Variants in CDKL4 observed in about 807,000 individuals in gnomAD.
CDKL4 encodes the protein cyclin dependent kinase like 4.
A neutral mutation model predicts 42.0 loss-of-function variants in CDKL4; 44 were observed. The ratio of observed to expected loss-of-function variants is 1.05; its 90% confidence interval spans 0.82 to 1.35. The LOEUF is 1.35. Among genes scored for constraint, CDKL4 ranks in the 40% most tolerant of loss-of-function variants. The pLI is 0.00. For missense variants in CDKL4, 393 were observed against 369.9 expected, an observed-to-expected ratio of 1.06 and a Z score of -0.51; for synonymous variants, 120 against 121.6, an observed-to-expected ratio of 0.99 and a Z score of 0.09.
intron 4 of CDKL4, among the ~76,000 whole-genome samples, chr2:39,208,377 G>C (rs562338675): frequency 2.8e-5 from 4 of 145,360 alleles, no homozygotes; most frequent in Admixed American, 2.1e-4. Flanking sequence ...GTCGCTCTTT[G>C]TTGCTCAGGC....
chr2:39,236,347 T>C (rs141431407), intron 1 of CDKL4, among the ~76,000 whole-genome samples: 163 of 152,236 alleles, frequency 1.1e-3, no homozygotes, highest in Non-Finnish European at 8.4e-4. Flanking sequence ...TGTAATGAGA[T>C]TCCCAGAAAG....
chr2:39,215,461 A>G (rs571737377), intron 3 of CDKL4, among the ~76,000 whole-genome samples: 16 of 152,160 alleles, frequency 1.1e-4, no homozygotes, highest in Admixed American at 5.9e-4. Flanking sequence ...TGTTGTTTGT[A>G]TATTTTTCAA....
chr2:39,200,614 C>T (rs1045978726), intron 5 of CDKL4, among the ~76,000 whole-genome samples: 1 of 152,096 alleles, frequency 6.6e-6, no homozygotes, highest in African/African-American at 2.4e-5. Context: ...GTCATCAAAG[C>T]AGTATGGTAT....
intron 1 of CDKL4, among the ~76,000 whole-genome samples, chr2:39,240,420 C>CAAAA (rs1186226288): frequency 1.2e-5 from 1 of 84,210 alleles, no homozygotes; most frequent in African/African-American, 4.4e-5. Context: ...GACTTCGTCT[C>CAAAA]AAAAAAAAAA....
chr2:39,216,343 G>T (rs1016270453), intron 3 of CDKL4, among the ~76,000 whole-genome samples: 2 of 152,128 alleles, frequency 1.3e-5, no homozygotes, highest in Non-Finnish European at 2.9e-5. Context: ...CTGGAGGTGT[G>T]GGGAAAGCAG....
downstream of CDKL4, among the ~76,000 whole-genome samples, chr2:39,171,631 G>A (rs1675001739): frequency 6.6e-6 from 1 of 152,160 alleles, no homozygotes; most frequent in African/African-American, 2.4e-5. Flanking sequence ...CTTTATGTTG[G>A]AGCTCTAAGA....
At chr2:39,174,795 A>G (rs1675101921), downstream of CDKL4, among the ~76,000 whole-genome samples, 2 of 152,230 alleles carry the variant, frequency 1.3e-5, no homozygotes, top group South Asian at 4.1e-4. Flanking sequence ...TAGCTAACTA[A>G]AAGTACTTTT....
intron 2 of CDKL4, among the ~76,000 whole-genome samples, chr2:39,228,639 A>G (rs910506196): frequency 1.3e-5 from 2 of 152,078 alleles, no homozygotes; most frequent in African/African-American, 4.8e-5. Flanking sequence ...CAGACCTCCC[A>G]ACTCAGAATC....
chr2:39,230,072 CAA>C (rs1679004382), intron 1 of CDKL4, among the ~76,000 whole-genome samples: 1 of 152,200 alleles, frequency 6.6e-6, no homozygotes, highest in Non-Finnish European at 1.5e-5. Flanking sequence ...GGCCATTGAA[CAA>C]AGCAGTCTTT....
At chr2:39,200,180 C>T (rs1414474309) in intron 5 of CDKL4, among the ~76,000 whole-genome samples, 2 of 151,856 alleles carry the variant, frequency 1.3e-5, no homozygotes, top group East Asian at 1.9e-4. Flanking sequence ...TCAGTAGCCC[C>T]GCTATATACC....
At chr2:39,170,495 C>A in the CDKL4 span, among the ~76,000 whole-genome samples, 110 of 152,096 alleles carry the variant, frequency 7.2e-4, 1 homozygote, top group African/African-American at 2.5e-3. Flanking sequence ...TTGCTCTTGT[C>A]ACCCAGGCTA....
At chr2:39,233,750 C>A (rs1324759689) in intron 1 of CDKL4, among the ~76,000 whole-genome samples, 1 of 151,226 alleles carries the variant, frequency 6.6e-6, no homozygotes. Context: ...CAAAATCTAA[C>A]CATGAAGCAA....
chr2:39,224,130 T>C (rs1476164405), intron 3 of CDKL4, among the ~76,000 whole-genome samples: 2 of 152,214 alleles, frequency 1.3e-5, no homozygotes, highest in Non-Finnish European at 2.9e-5. Context: ...TTCTGGCAAA[T>C]AGTTTACCCA....
chr2:39,226,467 A>ATATATATTATATATAT (rs1345081965), intron 2 of CDKL4, among the ~76,000 whole-genome samples: 39 of 96,926 alleles, frequency 4.0e-4, no homozygotes, highest in South Asian at 9.3e-4. Context: ...TATATATATT[A>ATATATATTATATATAT]TATATATATA....
At chr2:39,216,291 G>A (rs1482902614) in intron 3 of CDKL4, among the ~76,000 whole-genome samples, 1 of 152,148 alleles carries the variant, frequency 6.6e-6, no homozygotes, top group Non-Finnish European at 1.5e-5. Flanking sequence ...TACAAAGAGG[G>A]AAGAGGTGCA....
chr2:39,229,443 T>C, exon 2 of CDKL4: 1 of 1,613,460 alleles, frequency 6.2e-7, no homozygotes, highest in Non-Finnish European at 8.5e-7. Flanking sequence ...TTTTAACAGC[T>C]ACTACTTGTC....
At chr2:39,225,927 C>T (rs1228555843) in exon 3 of CDKL4, 3 of 1,610,794 alleles carry the variant, frequency 1.9e-6, no homozygotes, top group Admixed American at 1.7e-5. Flanking sequence ...CTGAACACCT[C>T]GATGAGGTTC....
chr2:39,204,762 G>C (rs1322635738), intron 4 of CDKL4, 145 bp from the exon 5 acceptor site: 1 of 441,038 alleles, frequency 2.3e-6, no homozygotes, highest in African/African-American at 2.1e-5. Flanking sequence ...AACTTAAATT[G>C]GCAATTTTTC....
intron 6 of CDKL4, among the ~76,000 whole-genome samples, chr2:39,188,068 A>AAAAAC (rs1675936482): frequency 6.6e-6 from 1 of 152,054 alleles, no homozygotes; most frequent in Non-Finnish European, 1.5e-5. Context: ...ACTCCATCTC[A>AAAAAC]AAAACAAAAC....
Sources: allele counts gnomAD v4.1 joint callset (sites outside exome capture counted in the v4.1 genomes callset), GRCh38; gene constraint gnomAD v4.1.1; transcripts MANE v1.5; gene names NCBI Gene and HGNC (gene_info 2026-07-23, HGNC 2026-07-21).